Variants in CNBD1 observed in about 807,000 individuals in gnomAD.
The protein encoded by CNBD1 is cyclic nucleotide binding domain containing 1, also known as cyclic nucleotide-binding domain-containing protein 1.
Under a neutral mutation model 54.4 loss-of-function variants are expected in CNBD1, and 71 were observed. That is an observed-to-expected ratio of 1.30 (90% confidence interval 1.08 to 1.59). The LOEUF (loss-of-function observed/expected upper bound fraction) is 1.59, where lower values mean the gene tolerates loss of function less well. Among genes scored for constraint, CNBD1 ranks in the 40% most tolerant of loss-of-function variants. The pLI, the probability that CNBD1 is intolerant of heterozygous loss-of-function variation, is 0.00. For missense variants in CNBD1, 659 were observed against 518.0 expected (o/e 1.27, Z -2.64); for synonymous variants, 182 against 170.7 (o/e 1.07, Z -0.51).
rs184091259 is a variant in CNBD1 at position 86,873,360 on chromosome 8, C to G, written c.88+6777C>G. On this transcript the variant is annotated intron_variant, in intron 1 of 10. Transcript: ENST00000518476. ...GGGTGATCTGCCCGCCTCGGCCTCC[C>G]AAAGTGCTAGGATTACAGGTGTGAG... 3.9e-3 allele frequency among the ~76,000 whole-genome samples: 597 copies of G among 152,024 alleles called. 3 individuals carry two copies. The highest frequency in any genetic ancestry group is 0.014 in the African/African-American group (572 of 41,498).
chr8:87,191,344 A>G (rs1489116397), intron 4 of CNBD1, among the ~76,000 whole-genome samples: 2 of 152,158 alleles, frequency 1.3e-5, no homozygotes, highest in African/African-American at 2.4e-5. Flanking sequence ...TTCTTCCACC[A>G]GCTTTGTTCT....
chr8:87,302,023 G>A, intron 8 of CNBD1, among the ~76,000 whole-genome samples: 1 of 152,084 alleles, frequency 6.6e-6, no homozygotes, highest in Non-Finnish European at 1.5e-5. Context: ...AAAAGTCCAG[G>A]ACCAGACGGA....
chr8:86,934,275 A>G (rs989285832), intron 3 of CNBD1, among the ~76,000 whole-genome samples: 20 of 152,204 alleles, frequency 1.3e-4, no homozygotes, highest in African/African-American at 4.8e-4. Context: ...TTACATATTT[A>G]TGGAACTGAT....
intron 2 of CNBD1, among the ~76,000 whole-genome samples, chr8:87,407,593 G>C (rs565676851): frequency 8.6e-5 from 13 of 151,902 alleles, no homozygotes; most frequent in Non-Finnish European, 1.6e-4. Context: ...AGATTGATTT[G>C]TATGGACTTT....
intron 6 of CNBD1, among the ~76,000 whole-genome samples, chr8:87,243,485 G>A (rs17703747): frequency 0.026 from 3,970 of 152,126 alleles, 63 homozygotes; most frequent in Non-Finnish European, 0.039. Flanking sequence ...TTCTGAGTAC[G>A]CCATTCCCTG....
chr8:87,071,765 G>A lies in CNBD1; in HGVS notation c.431+132011G>A, dbSNP rs959764027. On this transcript the variant is annotated intron_variant, in intron 4 of 10. Coordinates refer to ENST00000518476, the MANE Select transcript of CNBD1 (RefSeq NM_173538.3). Reference sequence around the variant, plus strand: ...AGTTTTAGAGTAAGTGTCATGTGGCGATAAGAAGAATGTATATTCTGTTGT... The same window carrying A: ...AGTTTTAGAGTAAGTGTCATGTGGCAATAAGAAGAATGTATATTCTGTTGT... Among the ~76,000 whole-genome samples, 11 of 152,200 alleles carry A rather than the reference G, an allele frequency of 7.2e-5. No individual in the cohort carries two copies. In the East Asian group the frequency reaches 9.7e-4, roughly 13 times the overall value.
chr8:87,190,088 C>T (rs1410410830), intron 4 of CNBD1, among the ~76,000 whole-genome samples: 1 of 152,130 alleles, frequency 6.6e-6, no homozygotes, highest in Non-Finnish European at 1.5e-5. Flanking sequence ...TGCCTGTGTG[C>T]ATCCTTTAAT....
In CNBD1 at chr8:87,104,719, G is replaced by C. The variant is rs117725025; in HGVS notation, c.432-101274G>C. On this transcript the variant is annotated intron_variant, in intron 4 of 10. Coordinates refer to ENST00000518476, the MANE Select transcript of CNBD1 (RefSeq NM_173538.3). ...TGAAGAAAACAGAACTATTGTTTCA[G>C]TCTTGCCTTTTCTTTGTATATATTT... Among the ~76,000 whole-genome samples, 9 of 152,296 alleles carry C rather than the reference G, an allele frequency of 5.9e-5. No homozygotes were observed. The East Asian group carries it at 1.7e-3, about 29-fold the overall frequency.
intron 4 of CNBD1, among the ~76,000 whole-genome samples, chr8:87,001,553 C>A (rs1400471352): frequency 6.6e-6 from 1 of 152,122 alleles, no homozygotes; most frequent in Non-Finnish European, 1.5e-5. Context: ...GCTGTTCTTT[C>A]TAATGAGCTA....
At position 87,125,692 on chromosome 8, in the gene CNBD1, C is replaced by A. The variant is rs149810148; in HGVS notation, c.432-80301C>A. ...AGCTTGTTGAGGTATAATAACCAAA[C>A]AATAGGCTGTTCATATTAAAAGTAT... On this transcript the variant is annotated intron_variant, in intron 4 of 10. Coordinates refer to ENST00000518476, the MANE Select transcript of CNBD1 (RefSeq NM_173538.3). Among the ~76,000 whole-genome samples the A allele has an allele frequency of 8.6e-3, 1,302 of 151,864 alleles. 19 individuals are homozygous for A. The highest frequency in any genetic ancestry group is 0.028 in the African/African-American group (1,173 of 41,504).
At chr8:87,278,204 T>A (rs1056591970) in intron 6 of CNBD1, among the ~76,000 whole-genome samples, 13 of 151,588 alleles carry the variant, frequency 8.6e-5, no homozygotes, top group African/African-American at 2.9e-4. Context: ...TGAAAAATTC[T>A]GATAAGTATG....
chr8:86,975,749 G>A (rs1808327151), intron 4 of CNBD1, among the ~76,000 whole-genome samples: 1 of 151,964 alleles, frequency 6.6e-6, no homozygotes, highest in South Asian at 2.1e-4. Flanking sequence ...ATACTCAAAA[G>A]TGGGATTGCT....
intron 4 of CNBD1, among the ~76,000 whole-genome samples, chr8:87,111,054 T>C (rs956638793): frequency 1.3e-5 from 2 of 152,228 alleles, no homozygotes; most frequent in Non-Finnish European, 2.9e-5. Context: ...AATTGAGATA[T>C]AATGAGAGCT....
At position 87,171,223 on chromosome 8, in the gene CNBD1, C is replaced by T. The variant is rs571362006; in HGVS notation, c.432-34770C>T. Reference sequence around the variant, plus strand: ...TTACTTTTTGTTCTGTACAGCTTTTCGATTTATTCCTGGTTCAATCTTGGT... The same window carrying T: ...TTACTTTTTGTTCTGTACAGCTTTTTGATTTATTCCTGGTTCAATCTTGGT... On this transcript the variant is annotated intron_variant, in intron 4 of 10. Transcript: ENST00000518476. Among the ~76,000 whole-genome samples the T allele has an allele frequency of 1.1e-4, 16 of 152,068 alleles. No individual in the cohort carries two copies. The South Asian group carries it at 1.5e-3, about 14-fold the overall frequency.
At chr8:87,391,359 G>A (rs569796461) in intron 2 of CNBD1, among the ~76,000 whole-genome samples, 1 of 152,046 alleles carries the variant, frequency 6.6e-6, no homozygotes, top group African/African-American at 2.4e-5. Context: ...AAAGCCACAA[G>A]CTAATCCTAA....
intron 2 of CNBD1, among the ~76,000 whole-genome samples, chr8:87,411,599 C>T (rs1807748244): frequency 6.7e-6 from 1 of 149,792 alleles, no homozygotes; most frequent in South Asian, 2.1e-4. Flanking sequence ...TTATGTATAT[C>T]CATTTATTGA....
chr8:86,872,218 C>G (rs531691709), intron 1 of CNBD1, among the ~76,000 whole-genome samples: 6 of 152,254 alleles, frequency 3.9e-5, no homozygotes, highest in African/African-American at 1.4e-4. Flanking sequence ...TATTGTCATG[C>G]CTTAGCTCAT....
At chr8:86,953,105 A>T (rs1483770046) in intron 4 of CNBD1, among the ~76,000 whole-genome samples, 1 of 152,208 alleles carries the variant, frequency 6.6e-6, no homozygotes, top group African/African-American at 2.4e-5. Flanking sequence ...CCACTGTATG[A>T]ATATACCATA....
chr8:87,065,027 T>C (rs1406254119), intron 4 of CNBD1, among the ~76,000 whole-genome samples: 1 of 151,916 alleles, frequency 6.6e-6, no homozygotes, highest in Non-Finnish European at 1.5e-5. Context: ...AAGTTTTGGC[T>C]CAGAAATTCT....
Sources: gnomAD v4.1 joint callset for allele counts (sites outside exome capture counted in the v4.1 genomes callset) on GRCh38, gnomAD v4.1.1 for gene constraint, MANE v1.5 for transcripts, NCBI Gene and HGNC (gene_info 2026-07-23, HGNC 2026-07-21) for gene names.